The following FAM13B variants were observed in gnomAD, a reference collection of about 807,000 sequenced individuals.
FAM13B encodes the protein protein FAM13B.
A neutral mutation model predicts 117.3 loss-of-function variants in FAM13B; 60 were observed. The ratio of observed to expected loss-of-function variants is 0.51; its 90% CI spans 0.42 to 0.63. FAM13B has a LOEUF of 0.63. Among genes scored for constraint, FAM13B ranks in the 30% least tolerant of loss-of-function variants. The probability of loss-of-function intolerance (pLI) is 0.00; values close to 1 mark genes in which losing one functional copy is unlikely to be tolerated. For synonymous variants in FAM13B, 332 were observed against 356.1 expected (o/e 0.93, Z 0.76); for missense variants, 972 against 1,091.9 (o/e 0.89, Z 1.55).
chr5:137,946,796 G>A (rs540390002), intron 18 of FAM13B, among the ~76,000 whole-genome samples: 9 of 152,220 alleles, frequency 5.9e-5, no homozygotes, highest in South Asian at 4.1e-4. Flanking sequence ...GCATGCATGC[G>A]CATGTGCATA....
Position 137,946,435 on chromosome 5 carries a change from C to T in FAM13B, c.2161-124G>A, listed in dbSNP as rs1326303866. On this transcript the variant is annotated intron_variant, in intron 18 of 23. Coordinates refer to ENST00000689681, the MANE Select transcript of FAM13B (RefSeq NM_001385994.1). Reference sequence around the variant, plus strand: ...TAAATAATTAGGTAGAAAGGGCAGACGATCAACAGTCTAGCCCAGGCCTTT... The same window carrying T: ...TAAATAATTAGGTAGAAAGGGCAGATGATCAACAGTCTAGCCCAGGCCTTT... 5 of 684,422 alleles carry T rather than the reference C, an allele frequency of 7.3e-6. No individual in the cohort carries two copies. In the East Asian group the frequency reaches 1.4e-4, roughly 19 times the overall value. The allele number at this position is 684,422 out of a possible 1,614,324, so 42.4% of individuals were successfully genotyped here. A position where few individuals can be genotyped will look rare whatever the true frequency, so the allele number is the denominator to read the frequency against.
intron 10 of FAM13B, among the ~76,000 whole-genome samples, chr5:137,983,124 G>A (rs1210331335): frequency 1.6e-5 from 2 of 126,152 alleles, no homozygotes; most frequent in Non-Finnish European, 3.1e-5. Flanking sequence ...AAGAGATTCA[G>A]AAGAGGAAGA....
chr5:138,032,560 C>A (rs1332043028), intron 1 of FAM13B, among the ~76,000 whole-genome samples: 1 of 152,178 alleles, frequency 6.6e-6, no homozygotes, highest in South Asian at 2.1e-4. Context: ...GCTGCCACAC[C>A]CCCCGGCAGC....
intron 7 of FAM13B, among the ~76,000 whole-genome samples, chr5:138,006,362 G>A (rs571999527): frequency 1.2e-4 from 19 of 152,224 alleles, no homozygotes; most frequent in African/African-American, 4.6e-4. Flanking sequence ...ATACATATGG[G>A]GAGTATGACA....
intron 1 of FAM13B, among the ~76,000 whole-genome samples, chr5:138,042,462 C>A (rs1302376802): frequency 6.6e-6 from 1 of 152,144 alleles, no homozygotes; most frequent in East Asian, 1.9e-4. Flanking sequence ...GAGCTGTACT[C>A]ATGATCTGTA....
At chr5:138,004,529 C>A (rs1564103) in intron 7 of FAM13B, among the ~76,000 whole-genome samples, 26,852 of 152,212 alleles carry the variant, frequency 0.18, 2,475 homozygotes, top group African/African-American at 0.2. Flanking sequence ...TCACTTGCCA[C>A]ACGTGTGGCT....
chr5:137,976,114 G>A (rs975296761), intron 10 of FAM13B, among the ~76,000 whole-genome samples: 1 of 151,558 alleles, frequency 6.6e-6, no homozygotes, highest in Non-Finnish European at 1.5e-5. Context: ...CTGCCACCAC[G>A]CCTGGCTAAT....
chr5:138,049,444 T>C (rs1228490219), intron 1 of FAM13B, among the ~76,000 whole-genome samples: 2 of 152,040 alleles, frequency 1.3e-5, no homozygotes, highest in East Asian at 3.9e-4. Flanking sequence ...CTACTAATTT[T>C]TTTTTTTTAG....
intron 1 of FAM13B, among the ~76,000 whole-genome samples, chr5:138,041,466 G>T (rs1791498606): frequency 6.6e-6 from 1 of 151,970 alleles, no homozygotes; most frequent in Non-Finnish European, 1.5e-5. Flanking sequence ...ATCAGTACAA[G>T]AAATTAAACA....
chr5:137,967,499 G>A (rs983596343), intron 10 of FAM13B, among the ~76,000 whole-genome samples: 1 of 151,912 alleles, frequency 6.6e-6, no homozygotes, highest in African/African-American at 2.4e-5. Flanking sequence ...CTTCAACCTG[G>A]GAGACAAACC....
intron 14 of FAM13B, among the ~76,000 whole-genome samples, chr5:137,956,262 T>A (rs1766525968): frequency 1.3e-5 from 2 of 152,234 alleles, no homozygotes; most frequent in African/African-American, 4.8e-5. Flanking sequence ...CCCTTGTACC[T>A]GTGCCCCAGC....
intron 1 of FAM13B, chr5:138,039,680 C>T (rs1168284979): frequency 6.6e-6 from 1 of 151,794 alleles, no homozygotes; most frequent in African/African-American, 2.4e-5. Context: ...AAGAGATCCT[C>T]CCACCTCGGC....
intron 10 of FAM13B, among the ~76,000 whole-genome samples, chr5:137,978,345 G>A (rs1244777166): frequency 6.6e-6 from 1 of 151,904 alleles, no homozygotes; most frequent in Non-Finnish European, 1.5e-5. Flanking sequence ...AAAGGTTTAA[G>A]GTCTTTTGTT....
chr5:138,026,914 G>A (rs1174992711), intron 1 of FAM13B, among the ~76,000 whole-genome samples: 1 of 149,980 alleles, frequency 6.7e-6, no homozygotes, highest in East Asian at 1.9e-4. Context: ...ACTCCAGCCT[G>A]GGCAACAAAG....
At chr5:137,972,607 C>T (rs1051952417) in intron 10 of FAM13B, among the ~76,000 whole-genome samples, 4 of 151,914 alleles carry the variant, frequency 2.6e-5, no homozygotes, top group African/African-American at 9.7e-5. Flanking sequence ...AAGTTCTGGC[C>T]AGGGCAATTA....
At chr5:138,026,280 T>C (rs1788335351) in intron 1 of FAM13B, among the ~76,000 whole-genome samples, 1 of 152,144 alleles carries the variant, frequency 6.6e-6, no homozygotes, top group South Asian at 2.1e-4. Context: ...TTAAAACGTA[T>C]TGAGCTGGAC....
At chr5:137,942,757 C>G in intron 22 of FAM13B, 118 bp downstream of exon 22, 2 of 794,662 alleles carry the variant, frequency 2.5e-6, no homozygotes, top group Non-Finnish European at 3.8e-6. Flanking sequence ...AGCATGTGTC[C>G]TTTGATAAAT....
At chr5:137,987,434 A>G in intron 9 of FAM13B, 27 bp downstream of exon 9, 1 of 1,573,884 alleles carries the variant, frequency 6.4e-7, no homozygotes, top group Non-Finnish European at 8.7e-7. Flanking sequence ...TATAACATTT[A>G]ATAAACAACA....
At chr5:137,957,471 C>A (rs1158250383) in intron 13 of FAM13B, among the ~76,000 whole-genome samples, 8 of 142,908 alleles carry the variant, frequency 5.6e-5, no homozygotes, top group African/African-American at 2.1e-4. Flanking sequence ...ACCTGCGAGG[C>A]GGAAGTTGCG....
Sources: allele counts gnomAD v4.1 joint callset (sites outside exome capture counted in the v4.1 genomes callset), GRCh38; gene constraint gnomAD v4.1.1; transcripts MANE v1.5; gene names NCBI Gene and HGNC (gene_info 2026-07-23, HGNC 2026-07-21).